The following UBFD1 variants were observed in gnomAD, a reference collection of about 807,000 sequenced individuals.
The protein encoded by UBFD1 is ubiquitin domain-containing protein UBFD1.
UBFD1 carries 12 observed loss-of-function variants against 35.1 expected under a neutral mutation model. That is an observed-to-expected ratio of 0.34 (90% confidence interval 0.22 to 0.55). The LOEUF (loss-of-function observed/expected upper bound fraction) is 0.55. UBFD1 is among the 20% of genes least tolerant of loss of function. The pLI is 0.89. For missense variants in UBFD1, 337 were observed against 410.8 expected, an observed-to-expected ratio of 0.82 and a Z score of 1.55; for synonymous variants, 178 against 167.6, an observed-to-expected ratio of 1.06 and a Z score of -0.48.
intron 3 of UBFD1, 89 bp from the exon 4 acceptor site, chr16:23,562,117 A>G: frequency 8.0e-7 from 1 of 1,255,972 alleles, no homozygotes; most frequent in Non-Finnish European, 1.1e-6. Context: ...CCAAAACACT[A>G]AGGCTTTCTT....
intron 6 of UBFD1, 52 bp downstream of exon 6, chr16:23,567,121 T>C (rs1459830429): frequency 4.5e-6 from 7 of 1,550,428 alleles, no homozygotes; most frequent in Non-Finnish European, 5.3e-6. Flanking sequence ...CCACTTCACC[T>C]GGCAGGGAAC....
At chr16:23,559,977 C>T in intron 3 of UBFD1, 1 of 1,090,224 alleles carries the variant, frequency 9.2e-7, no homozygotes, top group East Asian at 2.6e-5. Flanking sequence ...TTATTTAGTG[C>T]CAGAGAAAAC....
chr16:23,566,904 C>A, intron 5 of UBFD1, 83 bp from the exon 6 acceptor site: 1 of 1,350,072 alleles, frequency 7.4e-7, no homozygotes, highest in Non-Finnish European at 1.1e-6. Context: ...CCGCAGCCAC[C>A]AGCCCTGATG....
At chr16:23,566,901 C>T in intron 5 of UBFD1, 86 bp from the exon 6 acceptor site, 1 of 1,318,506 alleles carries the variant, frequency 7.6e-7, no homozygotes, top group Non-Finnish European at 1.1e-6. Context: ...ATCCCGCAGC[C>T]ACCAGCCCTG....
rs768159749 is a variant in UBFD1 at position 23,559,423 on chromosome 16, C to G, written c.356-45C>G. ...AGCTGTGTAGTATCCATACATTTTT[C>G]TGTCCTTCCTTCCTTTCACTGTCCA... On this transcript the variant is annotated intron_variant, in intron 2 of 6. Transcript: ENST00000395878. The G allele has an allele frequency of 3.9e-6, 6 of 1,554,450 alleles. No individual in the cohort carries two copies. The South Asian group carries it at 7.0e-5, about 18-fold the overall frequency.
intron 5 of UBFD1, chr16:23,564,468 C>CT (rs1242565289): frequency 2.6e-5 from 4 of 152,236 alleles, no homozygotes; most frequent in Non-Finnish European, 4.4e-5. Context: ...TTTGAACCCT[C>CT]TGCTAGATCA....
At chr16:23,570,108 T>TC (rs1966063298) in intron 6 of UBFD1, among the ~76,000 whole-genome samples, 2 of 152,210 alleles carry the variant, frequency 1.3e-5, no homozygotes, top group Admixed American at 6.5e-5. Context: ...GCAGCGTTTC[T>TC]CCAACTGTGG....
intron 3 of UBFD1, among the ~76,000 whole-genome samples, chr16:23,560,564 C>G (rs574823506): frequency 4.7e-4 from 71 of 152,058 alleles, no homozygotes; most frequent in Non-Finnish European, 9.0e-4. Flanking sequence ...ATCCATAATC[C>G]CCCATGTGTG....
chr16:23,564,272 A>G (rs1450941830), intron 5 of UBFD1, among the ~76,000 whole-genome samples: 7 of 152,240 alleles, frequency 4.6e-5, no homozygotes, highest in Non-Finnish European at 8.8e-5. Context: ...CTAAAACACA[A>G]AAATCAGTGT....
intron 6 of UBFD1, among the ~76,000 whole-genome samples, chr16:23,567,720 T>G (rs1291349542): frequency 6.6e-6 from 1 of 152,272 alleles, no homozygotes; most frequent in Non-Finnish European, 1.5e-5. Context: ...CAGTGCTCTT[T>G]GGAGGAGCCA....
chr16:23,558,577 T>C (rs969672691), intron 2 of UBFD1, among the ~76,000 whole-genome samples: 4 of 152,246 alleles, frequency 2.6e-5, no homozygotes, highest in African/African-American at 9.6e-5. Flanking sequence ...TTACAGCTTC[T>C]GGGCCCTTTC....
Position 23,558,552 on chromosome 16 carries a change from C to G in UBFD1, c.355+273C>G, listed in dbSNP as rs552591737. Among the ~76,000 whole-genome samples the G allele has an allele frequency of 1.6e-3, 247 of 152,316 alleles. 1 individual carries two copies. The highest frequency in any genetic ancestry group is 8.7e-3 in the South Asian group (42 of 4,822). The stretch of plus-strand genomic sequence containing the variant: ...TCTAACATCTCTAATTAAAAAATCA[C>G]CTAAGGCGCTTGTTTTACAGCTTCT... On this transcript the variant is annotated intron_variant, in intron 2 of 6. Coordinates refer to ENST00000395878, the MANE Select transcript of UBFD1 (RefSeq NM_019116.3).
In UBFD1 at chr16:23,570,487, A is replaced by G; in HGVS notation, c.827A>G (p.Gln276Arg). 6.2e-7 allele frequency: 1 copy of G among 1,613,816 alleles called. No homozygotes were observed. Among genetic ancestry groups the G allele is most frequent in the Non-Finnish European group, 8.5e-7 (1 of 1,179,920 alleles). Residue 276 changes from glutamine (Q) to arginine (R), a missense_variant, in exon 7 of 7, where the codon CAG becomes CGG. Coordinates refer to ENST00000395878, the MANE Select transcript of UBFD1 (RefSeq NM_019116.3). Reference protein sequence around the residue: ...GHEDYHMMAFQLGPTEASYYW... With the variant: ...GHEDYHMMAFRLGPTEASYYW... ...TTCCTTTTTCCCTTCCAGGCGTTTC[A>G]GTTGGGCCCCACGGAAGCCTCTTAC...
rs1456492761 is a variant in UBFD1 at position 23,571,781 on chromosome 16, T to C, written c.*1191T>C. 6.6e-6 allele frequency: 1 copy of C among 152,654 alleles called. No individual in the cohort carries two copies. The highest frequency in any genetic ancestry group is 2.4e-5 in the African/African-American group (1 of 41,458). The allele number at this position is 152,654 out of a possible 1,614,324, so 9.5% of individuals were successfully genotyped here. A position where few individuals can be genotyped will look rare whatever the true frequency, so the allele number is the denominator to read the frequency against. On this transcript the variant is annotated 3_prime_UTR_variant, in exon 7 of 7. Coordinates refer to ENST00000395878, the MANE Select transcript of UBFD1 (RefSeq NM_019116.3). ...TATTGAACAACAAAAATGGGATAAA[T>C]TGCTTTCATGATTAGCTCACCTTCT... is the stretch of plus-strand genomic sequence containing the variant.
rs9871 is a variant in UBFD1 at position 23,573,740 on chromosome 16, T to G, written c.*3150T>G. The G allele has an allele frequency of 6.6e-6, 1 of 152,614 alleles. No homozygotes were observed. Among genetic ancestry groups the G allele is most frequent in the African/African-American group, 2.4e-5 (1 of 41,438 alleles). 9.5% of individuals were successfully genotyped at this position (152,614 alleles called of 1,614,324 possible). A position where few individuals can be genotyped will look rare whatever the true frequency, so the allele number is the denominator to read the frequency against. On this transcript the variant is annotated 3_prime_UTR_variant, in exon 7 of 7. Coordinates refer to ENST00000395878, the MANE Select transcript of UBFD1 (RefSeq NM_019116.3). Reference sequence around the variant, plus strand: ...TGCCATATTTCACCCAGAAGGGGCTTGTTTTCCTCTTACTCTTACTTTAAC... The same window carrying G: ...TGCCATATTTCACCCAGAAGGGGCTGGTTTTCCTCTTACTCTTACTTTAAC...
At position 23,559,509 on chromosome 16, in the gene UBFD1, G is replaced by C. The variant is rs768069892; in HGVS notation, c.397G>C (p.Val133Leu). The stretch of plus-strand genomic sequence containing the variant: ...GCAGAAAGTCATGTATAAGGGACTC[G>C]TCCCCGAGGATAAAACATTGAGAGA... Reference protein sequence around the residue: ...AMQKVMYKGLVPEDKTLREIK... With the variant: ...AMQKVMYKGLLPEDKTLREIK... The change falls in exon 3 of 7, where the codon GTC becomes CTC. Residue 133 changes from valine to leucine, a missense_variant. Physicochemically the swap from Val to Leu is conservative, Grantham distance 32 (BLOSUM62 1). Around this residue, in one of 4 missense-constraint regions of UBFD1, gnomAD observed 24 missense variants for 53.7 expected, o/e 0.45. Coordinates refer to ENST00000395878, the MANE Select transcript of UBFD1 (RefSeq NM_019116.3). The C allele has an allele frequency of 6.2e-7, 1 of 1,614,056 alleles. No homozygotes were observed. The highest frequency in any genetic ancestry group is 1.3e-5 in the African/African-American group (1 of 75,028).
intron 2 of UBFD1, chr16:23,559,219 C>T (rs774547890): frequency 9.7e-5 from 36 of 371,672 alleles, no homozygotes; most frequent in Non-Finnish European, 1.7e-4. Flanking sequence ...CAATGCTAGC[C>T]ACCGTACTAA....
chr16:23,558,409 C>T lies in UBFD1; in HGVS notation c.355+130C>T, dbSNP rs914338959. 34 of 1,146,498 alleles carry T rather than the reference C, an allele frequency of 3.0e-5. 1 individual carries two copies. The South Asian group carries it at 4.0e-4, about 14-fold the overall frequency. The allele number at this position is 1,146,498 out of a possible 1,614,324, so 71.0% of individuals were successfully genotyped here. ...CCTTACAGCAGTCTTCTGAAGGATA[C>T]TTGGATGCCCATTACTCAGCTGGGG... On this transcript the variant is annotated intron_variant, in intron 2 of 6. Coordinates refer to ENST00000395878, the MANE Select transcript of UBFD1 (RefSeq NM_019116.3).
In UBFD1 at chr16:23,558,352, C is replaced by T. The variant is rs1965860680; in HGVS notation, c.355+73C>T. 13 of 1,540,308 alleles carry T rather than the reference C, an allele frequency of 8.4e-6. No individual in the cohort carries two copies. The Middle Eastern group carries it at 6.8e-4, about 80-fold the overall frequency. On this transcript the variant is annotated intron_variant, in intron 2 of 6. Coordinates refer to ENST00000395878, the MANE Select transcript of UBFD1 (RefSeq NM_019116.3). ...ATGGCCCTTGCACCCTACTAGGCAC[C>T]TGGTGGCTTTCCTTGCATCAGGTCC...
Sources: allele counts gnomAD v4.1 joint callset (sites outside exome capture counted in the v4.1 genomes callset), GRCh38; gene constraint gnomAD v4.1.1; regional missense constraint gnomAD v4.1.1; transcripts MANE v1.5; gene names NCBI Gene and HGNC (gene_info 2026-07-23, HGNC 2026-07-21).